The following CBX3 variants were observed in gnomAD, a reference collection of about 807,000 sequenced individuals.
CBX3 encodes the protein chromobox 3.
CBX3 carries 5 observed loss-of-function variants against 22.6 expected under a neutral mutation model. The observed-to-expected ratio is 0.22, with a 90% CI of 0.12 to 0.47. CBX3 has a LOEUF of 0.47. Among genes scored for constraint, CBX3 ranks in the 20% least tolerant of loss-of-function variants. The pLI is 0.99. For synonymous variants in CBX3, 50 were observed against 66.6 expected (o/e 0.75, Z 1.21); for missense variants, 83 against 208.1 (o/e 0.40, Z 3.70).
intron 2 of CBX3, among the ~76,000 whole-genome samples, 164 bp downstream of exon 2, chr7:26,203,186 G>C (rs775649103): frequency 2.0e-5 from 3 of 152,154 alleles, no homozygotes; most frequent in Non-Finnish European, 4.4e-5. Flanking sequence ...ATTCATTACA[G>C]GGAGATACTG....
chr7:26,202,320 C>G (rs1472776420), intron 1 of CBX3: 2 of 152,240 alleles, frequency 1.3e-5, no homozygotes, highest in African/African-American at 2.4e-5. Context: ...CTTGAGCCCC[C>G]GTGCCGCGGC....
chr7:26,208,957 G>A (rs1441695260), intron 4 of CBX3, among the ~76,000 whole-genome samples: 1 of 82,528 alleles, frequency 1.2e-5, no homozygotes, highest in Non-Finnish European at 2.1e-5. Context: ...TTTTTCCTGG[G>A]AGACAGAGTC....
chr7:26,208,362 AC>A (rs763173135), intron 3 of CBX3, 30 bp from the exon 4 acceptor site: 70 of 1,417,720 alleles, frequency 4.9e-5, no homozygotes, highest in African/African-American at 3.5e-4. Flanking sequence ...TAATTCAATC[AC>A]CTTTTTTTTT....
intron 2 of CBX3, among the ~76,000 whole-genome samples, chr7:26,203,501 TACTC>T (rs1489280457): frequency 6.6e-6 from 1 of 152,238 alleles, no homozygotes; most frequent in East Asian, 1.9e-4. Flanking sequence ...TGTTTTAACT[TACTC>T]TAAAACATAG....
chr7:26,208,364 C>CTT (rs376082347), intron 3 of CBX3, 29 bp from the exon 4 acceptor site: 367 of 1,175,116 alleles, frequency 3.1e-4, no homozygotes, highest in African/African-American at 4.6e-4. Flanking sequence ...ATTCAATCAC[C>CTT]TTTTTTTTTT....
At chr7:26,205,526 G>A (rs535447927) in intron 2 of CBX3, among the ~76,000 whole-genome samples, 23 of 152,266 alleles carry the variant, frequency 1.5e-4, no homozygotes, top group Admixed American at 4.6e-4. Flanking sequence ...CTCTATAGTT[G>A]ACCCTGCAGT....
At chr7:26,207,518 CTTT>C (rs776045680) in intron 3 of CBX3, among the ~76,000 whole-genome samples, 4 of 151,820 alleles carry the variant, frequency 2.6e-5, no homozygotes, top group Admixed American at 6.6e-5. Context: ...ATGTAAAAGA[CTTT>C]TTTTTGTTTT....
upstream of CBX3, chr7:26,201,550 A>T (rs1230348563): frequency 1.4e-5 from 2 of 147,842 alleles, no homozygotes; most frequent in Non-Finnish European, 3.0e-5. Context: ...ACCGGGCGCC[A>T]CGCCGCGAAC....
At chr7:26,208,327 CT>C in intron 3 of CBX3, 65 bp from the exon 4 acceptor site, 1 of 1,293,408 alleles carries the variant, frequency 7.7e-7, no homozygotes, top group Admixed American at 2.4e-5. Context: ...TAAAATAGAT[CT>C]GGATAATGGT....
chr7:26,206,640 A>T, intron 3 of CBX3, 130 bp downstream of exon 3: 3 of 847,868 alleles, frequency 3.5e-6, no homozygotes, highest in South Asian at 1.5e-5. Flanking sequence ...TTTGAATTTT[A>T]GGTGTCTCAT....
At position 26,212,819 on chromosome 7, in the gene CBX3, T is replaced by C. The variant is rs2128139138; in HGVS notation, c.*611T>C. 1 of 152,396 alleles carries C rather than the reference T, an allele frequency of 6.6e-6. No homozygotes were observed. The highest frequency in any genetic ancestry group is 2.1e-4 in the South Asian group (1 of 4,834). The allele number at this position is 152,396 out of a possible 1,614,324, so 9.4% of individuals were successfully genotyped here. A position where few individuals can be genotyped will look rare whatever the true frequency, so the allele number is the denominator to read the frequency against. On this transcript the variant is annotated 3_prime_UTR_variant, in exon 6 of 6. Coordinates refer to ENST00000396386, the MANE Select transcript of CBX3 (RefSeq NM_016587.4). The stretch of plus-strand genomic sequence containing the variant: ...GATAGGACAATTTAAATTGGATAAT[T>C]TTAAAGTGTCTATAATTGCAGTGGT...
intron 2 of CBX3, among the ~76,000 whole-genome samples, chr7:26,205,782 A>ACTTGGT (rs1282815257): frequency 2.0e-5 from 3 of 152,036 alleles, no homozygotes; most frequent in African/African-American, 7.2e-5. Context: ...AAATTAGTAA[A>ACTTGGT]CTTGGTCTTT....
chr7:26,206,726 C>T (rs908277357), intron 3 of CBX3, among the ~76,000 whole-genome samples: 1 of 152,098 alleles, frequency 6.6e-6, no homozygotes, highest in Non-Finnish European at 1.5e-5. Context: ...GTTTATTACC[C>T]TGGGGAGTCA....
Position 26,207,331 on chromosome 7 carries a change from T to C in CBX3, c.167+821T>C, listed in dbSNP as rs117802671. ...CGTTTGCCTGTTTTATCCTTCAGTA[T>C]TCTTAGTTTAAATTAAGTATGTGTC... On this transcript the variant is annotated intron_variant, in intron 3 of 5. Coordinates refer to ENST00000396386, the MANE Select transcript of CBX3 (RefSeq NM_016587.4). 2.4e-4 allele frequency among the ~76,000 whole-genome samples: 37 copies of C among 152,348 alleles called. 1 individual carries two copies. In the East Asian group the frequency reaches 6.6e-3, roughly 27 times the overall value.
In CBX3 at chr7:26,208,171, A is replaced by G. The variant is rs530804358; in HGVS notation, c.168-222A>G. On this transcript the variant is annotated intron_variant, in intron 3 of 5. Coordinates refer to ENST00000396386, the MANE Select transcript of CBX3 (RefSeq NM_016587.4). ...CGGGAGTTGGAATCTTCAGTGAGCT[A>G]TGATTCCACTACTGCACTCTCGTCT... The G allele has an allele frequency of 2.7e-5, 9 of 338,148 alleles. No homozygotes were observed. In the East Asian group the frequency reaches 3.8e-4, roughly 14 times the overall value. 20.9% of individuals were successfully genotyped at this position (338,148 alleles called of 1,614,324 possible).
chr7:26,204,141 A>C (rs538264176), intron 2 of CBX3, among the ~76,000 whole-genome samples: 7 of 152,296 alleles, frequency 4.6e-5, no homozygotes, highest in African/African-American at 1.4e-4. Context: ...GGTTAAGGCA[A>C]ATATATACTA....
intron 2 of CBX3, 143 bp from the exon 3 acceptor site, chr7:26,206,225 T>C (rs947854144): frequency 1.7e-6 from 1 of 587,578 alleles, no homozygotes; most frequent in Non-Finnish European, 3.0e-6. Context: ...TGTTGACTTT[T>C]AATCTTTCCA....
intron 2 of CBX3, among the ~76,000 whole-genome samples, chr7:26,205,572 A>G (rs1340647177): frequency 3.3e-5 from 5 of 151,914 alleles, no homozygotes; most frequent in African/African-American, 1.2e-4. Context: ...TTCATTCTGC[A>G]TTTATCTTTT....
chr7:26,204,711 G>C (rs1379849846), intron 2 of CBX3, among the ~76,000 whole-genome samples: 1 of 151,978 alleles, frequency 6.6e-6, no homozygotes, highest in East Asian at 1.9e-4. Flanking sequence ...ACTTTTTTCT[G>C]CTTGCTGCTT....
Sources: allele counts gnomAD v4.1 joint callset (sites outside exome capture counted in the v4.1 genomes callset), GRCh38; gene constraint gnomAD v4.1.1; transcripts MANE v1.5; gene names NCBI Gene and HGNC (gene_info 2026-07-23, HGNC 2026-07-21).